Variants in LILRA1 observed in about 807,000 individuals in gnomAD.
LILRA1 encodes the protein leukocyte immunoglobulin like receptor A1.
A neutral mutation model predicts 51.6 loss-of-function variants in LILRA1; 51 were observed. The observed-to-expected ratio is 0.99, with a 90% CI of 0.79 to 1.25. The LOEUF is 1.25. Ranked by LOEUF, LILRA1 falls within the 50% of genes most tolerant of loss-of-function variation. LILRA1 has a pLI of 0.00. For missense variants in LILRA1, 660 were observed against 611.7 expected, an observed-to-expected ratio of 1.08 and a Z score of -0.83; for synonymous variants, 305 against 248.4, an observed-to-expected ratio of 1.23 and a Z score of -2.14.
chr19:54,594,570 A>C, intron 3 of LILRA1, 94 bp downstream of exon 3: 2 of 1,455,180 alleles, frequency 1.4e-6, no homozygotes, highest in Non-Finnish European at 1.9e-6. Context: ...GCAGTTCTGG[A>C]CTGACTGATG....
chr19:54,595,579 G>A (rs2063023735), intron 5 of LILRA1, 60 bp from the exon 6 acceptor site: 5 of 1,563,318 alleles, frequency 3.2e-6, no homozygotes, highest in Non-Finnish European at 4.3e-6. Flanking sequence ...CGGGGGAGAG[G>A]GAGGATATGT....
intron 7 of LILRA1, among the ~76,000 whole-genome samples, chr19:54,597,495 G>A (rs969456867): frequency 6.6e-6 from 1 of 152,076 alleles, no homozygotes; most frequent in African/African-American, 2.4e-5. Context: ...GCAACACGTG[G>A]CACAGCTCTG....
Position 54,596,479 on chromosome 19 carries a change from C to T in LILRA1, c.1249C>T (p.Leu417Phe). Residue 417 changes from leucine to phenylalanine, a missense_variant, in exon 7 of 10, where the codon CTC becomes TTC. Transcript: ENST00000251372. ...GTCTCACCCCAGTGACTCCCTGGAG[C>T]TCATGGTCTCAGGTGAGGGCCCTGA... Reference protein sequence around the residue: ...LLSHPSDSLELMVSGAAETLS... With the variant: ...LLSHPSDSLEFMVSGAAETLS... 6.2e-7 allele frequency: 1 copy of T among 1,614,178 alleles called. No homozygotes were observed. The highest frequency in any genetic ancestry group is 8.5e-7 in the Non-Finnish European group (1 of 1,180,032).
In LILRA1 at chr19:54,595,932, G is replaced by T. The variant is rs149029653; in HGVS notation, c.955G>T (p.Ala319Ser). The stretch of plus-strand genomic sequence containing the variant: ...CAGCGACCCCCTGGACATCCTGATC[G>T]CAGGTGAGGAGCCCAGCGGGTTCAG... ...APSDPLDILI[A>S]GQFRGRPFIS... Residue 319 changes from alanine to serine, a missense_variant, in exon 6 of 10, where the codon GCA becomes TCA. Ala to Ser is a moderately conservative substitution (Grantham distance 99, BLOSUM62 1). Coordinates refer to ENST00000251372, the MANE Select transcript of LILRA1 (RefSeq NM_006863.4). The T allele has an allele frequency of 9.2e-6, 14 of 1,516,920 alleles. No individual in the cohort carries two copies. The highest frequency in any genetic ancestry group is 1.1e-5 in the Non-Finnish European group (13 of 1,130,678). 94.0% of individuals were successfully genotyped at this position (1,516,920 alleles called of 1,614,324 possible). A position where few individuals can be genotyped will look rare whatever the true frequency, so the allele number is the denominator to read the frequency against.
intron 8 of LILRA1, 140 bp downstream of exon 8, chr19:54,599,426 T>C: frequency 7.5e-7 from 1 of 1,332,364 alleles, no homozygotes; most frequent in Admixed American, 2.4e-5. Context: ...CTTTAATGAT[T>C]TATAAGTGAA....
At chr19:54,595,970 G>T in intron 6 of LILRA1, 35 bp downstream of exon 6, 1 of 1,607,908 alleles carries the variant, frequency 6.2e-7, no homozygotes, top group Non-Finnish European at 8.5e-7. Context: ...AGGGACACAG[G>T]CTCCGCACAG....
At position 54,594,240 on chromosome 19, in the gene LILRA1, A is replaced by G. The variant is rs1275148733; in HGVS notation, c.-5A>G. On this transcript the variant is annotated 5_prime_UTR_variant, in exon 2 of 10. Transcript: ENST00000251372. ...CCGCAGAGCAGGGCAGTGGGAGGAG[A>G]CGCTATGACCCCCATCGTCACAGTC... The G allele has an allele frequency of 1.1e-5, 18 of 1,612,716 alleles. No homozygotes were observed. Among genetic ancestry groups the G allele is most frequent in the Non-Finnish European group, 1.5e-5 (18 of 1,179,568 alleles).
In LILRA1 at chr19:54,599,237, A is replaced by G; in HGVS notation, c.1263A>G (p.Gly421=). 8 of 1,569,658 alleles carry G rather than the reference A, an allele frequency of 5.1e-6. No homozygotes were observed. Among genetic ancestry groups the G allele is most frequent in the Non-Finnish European group, 6.9e-6 (8 of 1,152,930 alleles). The part of the protein sequence containing the change: ...PSDSLELMVS[G]AAETLSPPQN... ...CTTCTCCTCTGTTTTGATTCTCAGG[A>G]GCAGCTGAGACCCTCAGCCCACCAC... is the stretch of plus-strand genomic sequence containing the variant. Residue 421 remains glycine (G), a splice_region_variant and synonymous_variant, in exon 8 of 10, where the codon GGA becomes GGG. Transcript: ENST00000251372.
chr19:54,595,233 C>T lies in LILRA1; in HGVS notation c.492C>T (p.His164=). 6.2e-7 allele frequency: 1 copy of T among 1,614,130 alleles called. No individual in the cohort carries two copies. Among genetic ancestry groups the T allele is most frequent in the Non-Finnish European group, 8.5e-7 (1 of 1,180,010 alleles). ...TGTGTAAGGAAGGAGAAGATGAACA[C>T]CCACAATGCCTGAACTCACAGCCCC... ...FILCKEGEDE[H]PQCLNSQPRT... Residue 164 remains histidine, a synonymous_variant, in exon 5 of 10, where the codon CAC becomes CAT. Coordinates refer to ENST00000251372, the MANE Select transcript of LILRA1 (RefSeq NM_006863.4).
chr19:54,594,631 A>C, intron 3 of LILRA1, 34 bp from the exon 4 acceptor site: 2 of 1,609,306 alleles, frequency 1.2e-6, no homozygotes, highest in Non-Finnish European at 1.7e-6. Context: ...TGGGTGGGAA[A>C]TGACTTAGAA....
chr19:54,594,073 G>A, intron 1 of LILRA1, 124 bp from the exon 2 acceptor site: 3 of 1,048,474 alleles, frequency 2.9e-6, no homozygotes, highest in African/African-American at 1.6e-5. Flanking sequence ...TCCTGGTAGG[G>A]TAGTTCTGCT....
chr19:54,601,071 C>T lies in LILRA1; in HGVS notation c.*254C>T. The T allele has an allele frequency of 1.8e-6, 1 of 556,636 alleles. No individual in the cohort carries two copies. The highest frequency in any genetic ancestry group is 3.2e-6 in the Non-Finnish European group (1 of 311,228). 34.5% of individuals were successfully genotyped at this position (556,636 alleles called of 1,614,324 possible). A position where few individuals can be genotyped will look rare whatever the true frequency, so the allele number is the denominator to read the frequency against. ...TAATGTTGACTTCCCTTGGTTGGAT[C>T]CTCTTCTTTCCCCACCCCCAGACAG... On this transcript the variant is annotated 3_prime_UTR_variant, in exon 10 of 10. Coordinates refer to ENST00000251372, the MANE Select transcript of LILRA1 (RefSeq NM_006863.4).
chr19:54,600,740 A>T lies in LILRA1; in HGVS notation c.1393A>T (p.Met465Leu). The T allele has an allele frequency of 6.2e-7, 1 of 1,613,936 alleles. No individual in the cohort carries two copies. Among genetic ancestry groups the T allele is most frequent in the South Asian group, 1.1e-5 (1 of 91,056 alleles). The part of the protein sequence containing the change: ...QDYTVENLIR[M>L]GIAGLVLVVL... Reference sequence around the variant, plus strand: ...TTACACAGTGGAGAATCTCATCCGCATGGGCATAGCTGGCTTGGTCCTGGT... The same window carrying T: ...TTACACAGTGGAGAATCTCATCCGCTTGGGCATAGCTGGCTTGGTCCTGGT... Residue 465 changes from methionine (M) to leucine (L), a missense_variant, in exon 10 of 10, where the codon ATG becomes TTG. By Grantham distance (15) the Met-to-Leu change is conservative (BLOSUM62 2). Transcript: ENST00000251372.
rs374201313 is a variant in LILRA1 at position 54,595,095 on chromosome 19, C to T, written c.359-5C>T. On this transcript the variant is annotated splice_polypyrimidine_tract_variant and splice_region_variant and intron_variant, in intron 4 of 9. Transcript: ENST00000251372. The stretch of plus-strand genomic sequence containing the variant: ...CATTTAACATGGTGCCTCCTTCTCT[C>T]CTAGGAGCCTACATCAAACCCACCC... The T allele has an allele frequency of 9.0e-5, 145 of 1,612,188 alleles. 1 individual carries two copies. Among genetic ancestry groups the T allele is most frequent in the Non-Finnish European group, 8.2e-5 (97 of 1,178,786 alleles).
chr19:54,601,923 AG>A lies in LILRA1; in HGVS notation c.*1108del, dbSNP rs1331038945. On this transcript the variant is annotated 3_prime_UTR_variant, in exon 10 of 10. Coordinates refer to ENST00000251372, the MANE Select transcript of LILRA1 (RefSeq NM_006863.4). ...TGAAGGATGTAAAACCCTGCTGCAT[AG>A]GATGGAATATTTGGAGGGAGGATCC... The A allele has an allele frequency of 6.6e-6, 1 of 152,230 alleles. No homozygotes were observed. Among genetic ancestry groups the A allele is most frequent in the African/African-American group, 2.4e-5 (1 of 41,456 alleles). The allele number at this position is 152,230 out of a possible 1,614,324, so 9.4% of individuals were successfully genotyped here. A position where few individuals can be genotyped will look rare whatever the true frequency, so the allele number is the denominator to read the frequency against.
At position 54,594,285 on chromosome 19, in the gene LILRA1, T is replaced by C. The variant is rs2062971967; in HGVS notation, c.34+7T>C. 1 of 1,612,362 alleles carries C rather than the reference T, an allele frequency of 6.2e-7. No homozygotes were observed. Among genetic ancestry groups the C allele is most frequent in the Non-Finnish European group, 8.5e-7 (1 of 1,179,468 alleles). On this transcript the variant is annotated splice_region_variant and intron_variant, in intron 2 of 9. Transcript: ENST00000251372. ...ACAGTCCTGATCTGTCTCAGTGAGA[T>C]TTGAAGAGGGAGGGGAGCTTCTAAC...
At chr19:54,598,996 A>G (rs531185142) in intron 7 of LILRA1, among the ~76,000 whole-genome samples, 48 of 152,076 alleles carry the variant, frequency 3.2e-4, no homozygotes, top group African/African-American at 1.1e-3. Flanking sequence ...GGGTTTCACC[A>G]TGTTGGCTAG....
chr19:54,601,654 T>C lies in LILRA1; in HGVS notation c.*837T>C, dbSNP rs1341108319. ...AAAGCAATGATAGGCATTTGCAGTG[T>C]GTTGGTGATCCACGAAAGGAAAATC... On this transcript the variant is annotated 3_prime_UTR_variant, in exon 10 of 10. Coordinates refer to ENST00000251372, the MANE Select transcript of LILRA1 (RefSeq NM_006863.4). The C allele has an allele frequency of 4.6e-5, 7 of 151,644 alleles. No homozygotes were observed. Among genetic ancestry groups the C allele is most frequent in the Admixed American group, 4.6e-4 (7 of 15,270 alleles). 9.4% of individuals were successfully genotyped at this position (151,644 alleles called of 1,614,324 possible).
chr19:54,599,008 C>G (rs966483498), intron 7 of LILRA1, among the ~76,000 whole-genome samples: 2 of 152,012 alleles, frequency 1.3e-5, no homozygotes, highest in African/African-American at 2.4e-5. Context: ...GTTGGCTAGG[C>G]TGGTCTTGAA....
Sources: gnomAD v4.1 joint callset for allele counts (sites outside exome capture counted in the v4.1 genomes callset) on GRCh38, gnomAD v4.1.1 for gene constraint, MANE v1.5 for transcripts, NCBI Gene and HGNC (gene_info 2026-07-23, HGNC 2026-07-21) for gene names.